NFKB1: variants seen among roughly 807,000 people sequenced by gnomAD.
NFKB1 encodes the protein nuclear factor kappa B subunit 1.
NFKB1 carries 9 observed loss-of-function variants against 105.1 expected under a neutral mutation model. The ratio of observed to expected loss-of-function variants is 0.09; its 90% CI spans 0.05 to 0.15. NFKB1 has a LOEUF of 0.15. NFKB1 is among the 10% of genes least tolerant of loss of function. The probability of loss-of-function intolerance (pLI) is 1.00; values close to 1 mark genes in which losing one functional copy is unlikely to be tolerated. For synonymous variants in NFKB1, 440 were observed against 442.2 expected (o/e 1.00, Z 0.06); for missense variants, 830 against 1,203.7 (o/e 0.69, Z 4.59).
rs4647970 is a variant in NFKB1 at position 102,508,704 on chromosome 4, G to A, written c.-8+6916G>A. Among the ~76,000 whole-genome samples the A allele has an allele frequency of 9.3e-4, 142 of 152,140 alleles. 1 individual carries two copies. Among genetic ancestry groups the A allele is most frequent in the Admixed American group, 7.3e-3 (111 of 15,290 alleles). Reference sequence around the variant, plus strand: ...TGATAAGGTGAATAGGTTAAGCATCGTTTGTATATGTGTATGTGATTTTAA... The same window carrying A: ...TGATAAGGTGAATAGGTTAAGCATCATTTGTATATGTGTATGTGATTTTAA... On this transcript the variant is annotated intron_variant, in intron 1 of 23. Transcript: ENST00000226574.
intron 1 of NFKB1, among the ~76,000 whole-genome samples, chr4:102,508,479 C>T (rs536759570): frequency 6.6e-5 from 10 of 152,046 alleles, no homozygotes; most frequent in South Asian, 2.1e-4. Flanking sequence ...AATTGATTTA[C>T]GTAAAATCAA....
chr4:102,572,808 A>T (rs998708408), intron 6 of NFKB1, among the ~76,000 whole-genome samples: 1 of 152,226 alleles, frequency 6.6e-6, no homozygotes, highest in African/African-American at 2.4e-5. Context: ...AAAGGTGTTT[A>T]TATTTAACCA....
chr4:102,605,483 CAT>C (rs1450190974), intron 16 of NFKB1, among the ~76,000 whole-genome samples: 3 of 152,174 alleles, frequency 2.0e-5, no homozygotes, highest in Non-Finnish European at 4.4e-5. Flanking sequence ...GGCTGGATGT[CAT>C]AGTTAGGCTC....
At chr4:102,574,852 A>T (rs534539744) in intron 6 of NFKB1, among the ~76,000 whole-genome samples, 1 of 152,322 alleles carries the variant, frequency 6.6e-6, no homozygotes, top group South Asian at 2.1e-4. Context: ...CATTATTCAC[A>T]TAATAAATTA....
At chr4:102,584,485 A>G (rs1725560544) in intron 10 of NFKB1, among the ~76,000 whole-genome samples, 197 bp from the exon 11 acceptor site, 1 of 152,256 alleles carries the variant, frequency 6.6e-6, no homozygotes, top group African/African-American at 2.4e-5. Context: ...TTGATTTTAC[A>G]GTAGCAATTT....
chr4:102,587,877 T>C (rs1725844360), intron 11 of NFKB1, among the ~76,000 whole-genome samples: 1 of 152,118 alleles, frequency 6.6e-6, no homozygotes, highest in Admixed American at 6.6e-5. Flanking sequence ...TAGTAGGCCA[T>C]TTAGCATTAG....
chr4:102,592,016 G>T (rs189586912), intron 11 of NFKB1, among the ~76,000 whole-genome samples: 1 of 152,238 alleles, frequency 6.6e-6, no homozygotes, highest in African/African-American at 2.4e-5. Flanking sequence ...GGGGTTCAAG[G>T]CTTCAGTGAA....
intron 16 of NFKB1, among the ~76,000 whole-genome samples, chr4:102,602,863 T>C (rs1467816125): frequency 6.6e-6 from 1 of 152,196 alleles, no homozygotes; most frequent in Non-Finnish European, 1.5e-5. Context: ...TTGGTATCCG[T>C]AAGGTCATTT....
At chr4:102,551,355 T>C (rs568361960) in intron 5 of NFKB1, among the ~76,000 whole-genome samples, 1 of 77,432 alleles carries the variant, frequency 1.3e-5, no homozygotes, top group South Asian at 4.7e-4. Context: ...TTGGTGTGTG[T>C]GTGTGTGTGT....
intron 1 of NFKB1, among the ~76,000 whole-genome samples, chr4:102,502,361 C>A (rs977440232): frequency 2.1e-5 from 3 of 144,038 alleles, no homozygotes; most frequent in East Asian, 4.1e-4. Context: ...CTCTCTCCCC[C>A]CTCCCCCCCT....
intron 1 of NFKB1, among the ~76,000 whole-genome samples, chr4:102,509,899 C>T (rs759594219): frequency 8.5e-5 from 13 of 152,168 alleles, no homozygotes; most frequent in South Asian, 2.1e-4. Context: ...AAGTGTAAAT[C>T]GGATCATGTC....
chr4:102,558,417 AT>A lies in NFKB1; in HGVS notation c.259-8564del, dbSNP rs1343299126. On this transcript the variant is annotated intron_variant, in intron 5 of 23. Coordinates refer to ENST00000226574, the MANE Select transcript of NFKB1 (RefSeq NM_003998.4). The stretch of plus-strand genomic sequence containing the variant: ...ATTTCTGCATAGTATTCAATTGGCC[AT>A]TTTTTAAAAGACAAAATAACAAAAA... 5.9e-5 allele frequency among the ~76,000 whole-genome samples: 9 copies of A among 152,166 alleles called. No individual in the cohort carries two copies. In the East Asian group the frequency reaches 1.7e-3, roughly 29 times the overall value.
At chr4:102,534,477 C>A (rs1429208416) in intron 4 of NFKB1, among the ~76,000 whole-genome samples, 4 of 152,174 alleles carry the variant, frequency 2.6e-5, no homozygotes, top group African/African-American at 9.7e-5. Flanking sequence ...CTTCCCCTTA[C>A]CACTAGAGTC....
intron 11 of NFKB1, among the ~76,000 whole-genome samples, chr4:102,586,729 C>A (rs566151065): frequency 3.9e-5 from 6 of 152,128 alleles, no homozygotes; most frequent in African/African-American, 7.2e-5. Flanking sequence ...AAATTAGAAA[C>A]CCCTCAGTTG....
intron 11 of NFKB1, among the ~76,000 whole-genome samples, chr4:102,592,969 G>A (rs942168841): frequency 2.0e-5 from 3 of 152,108 alleles, no homozygotes; most frequent in Non-Finnish European, 2.9e-5. Context: ...AAATTATGTT[G>A]GAGGGTTCTT....
intron 1 of NFKB1, among the ~76,000 whole-genome samples, chr4:102,512,752 G>C (rs1357683500): frequency 6.6e-6 from 1 of 152,208 alleles, no homozygotes; most frequent in Non-Finnish European, 1.5e-5. Flanking sequence ...TGTGTAATCG[G>C]AAGGCCTTCG....
intron 2 of NFKB1, among the ~76,000 whole-genome samples, chr4:102,528,567 C>T (rs4647989): frequency 5.9e-5 from 9 of 152,050 alleles, no homozygotes; most frequent in Admixed American, 2.0e-4. Context: ...CTAAAAGAAA[C>T]GAAAAGCTAG....
At chr4:102,576,836 T>C (rs1724861285) in intron 6 of NFKB1, 40 bp from the exon 7 acceptor site, 1 of 1,571,692 alleles carries the variant, frequency 6.4e-7, no homozygotes, top group Non-Finnish European at 8.6e-7. Flanking sequence ...TGCCTAACTT[T>C]TGGTTGTTGT....
chr4:102,588,571 T>C (rs1172728317), intron 11 of NFKB1, among the ~76,000 whole-genome samples: 1 of 152,150 alleles, frequency 6.6e-6, no homozygotes, highest in African/African-American at 2.4e-5. Flanking sequence ...CCTTTACTGG[T>C]AAACTAAAAC....
Sources: gnomAD v4.1 joint callset for allele counts (sites outside exome capture counted in the v4.1 genomes callset) on GRCh38, gnomAD v4.1.1 for gene constraint, MANE v1.5 for transcripts, NCBI Gene and HGNC (gene_info 2026-07-23, HGNC 2026-07-21) for gene names.